Variants in RABGAP1L observed in about 807,000 individuals in gnomAD.
RABGAP1L encodes rab GTPase-activating protein 1-like.
RABGAP1L carries 63 observed loss-of-function variants against 137.7 expected under a neutral mutation model. That is an observed-to-expected ratio of 0.46 (90% CI 0.37 to 0.56). The LOEUF is 0.56. RABGAP1L is among the 20% of genes least tolerant of loss of function. The probability of loss-of-function intolerance (pLI) is 0.00; values close to 1 mark genes in which losing one functional copy is unlikely to be tolerated. For synonymous variants in RABGAP1L, 431 were observed against 433.7 expected (o/e 0.99, Z 0.08); for missense variants, 1,095 against 1,244.0 (o/e 0.88, Z 1.80).
chr1:174,602,144 G>C (rs905923058), intron 13 of RABGAP1L, among the ~76,000 whole-genome samples: 1 of 151,880 alleles, frequency 6.6e-6, no homozygotes, highest in Non-Finnish European at 1.5e-5. Flanking sequence ...TTTCGTCAAC[G>C]CCCCACTCTA....
intron 11 of RABGAP1L, among the ~76,000 whole-genome samples, chr1:174,338,564 A>G (rs1181345440): frequency 6.6e-6 from 1 of 151,084 alleles, no homozygotes; most frequent in Admixed American, 6.6e-5. Flanking sequence ...AAGTGGTACT[A>G]TTCTTGAATT....
At chr1:174,960,357 A>G (rs929004065) in intron 20 of RABGAP1L, among the ~76,000 whole-genome samples, 4 of 152,208 alleles carry the variant, frequency 2.6e-5, no homozygotes, top group African/African-American at 9.6e-5. Flanking sequence ...ACTTCTTGCT[A>G]CATCTATGTA....
intron 5 of RABGAP1L, among the ~76,000 whole-genome samples, chr1:174,247,114 A>AT (rs1672332190): frequency 6.6e-6 from 1 of 152,134 alleles, no homozygotes; most frequent in Admixed American, 6.5e-5. Context: ...GCCTTGCCAG[A>AT]TGCTTTAGAA....
intron 12 of RABGAP1L, among the ~76,000 whole-genome samples, chr1:174,377,365 T>C (rs1189067729): frequency 6.6e-6 from 1 of 152,124 alleles, no homozygotes; most frequent in Non-Finnish European, 1.5e-5. Flanking sequence ...TTAAAATTTA[T>C]ATAGGAAGCA....
chr1:174,529,818 G>A (rs1427649551), intron 13 of RABGAP1L, among the ~76,000 whole-genome samples: 1 of 152,114 alleles, frequency 6.6e-6, no homozygotes, highest in Non-Finnish European at 1.5e-5. Context: ...CAGGCAGCAT[G>A]TGCTTGTAGA....
chr1:174,450,854 A>G (rs565140509), intron 13 of RABGAP1L, among the ~76,000 whole-genome samples: 3 of 152,318 alleles, frequency 2.0e-5, no homozygotes, highest in African/African-American at 7.2e-5. Context: ...AATGCATTTA[A>G]TAAAATGTGC....
At position 174,373,319 on chromosome 1, in the gene RABGAP1L, A is replaced by T. The variant is rs1685258622; in HGVS notation, c.1559+2247A>T. On this transcript the variant is annotated intron_variant, in intron 12 of 25. Coordinates refer to ENST00000681986, the MANE Select transcript of RABGAP1L (RefSeq NM_001366446.1). ...TTTAAACAGAAGCATTTTAATGCAGATAATTGGCTTACAATGTGTTAGAAG... is the reference window on the plus strand; with the variant it reads ...TTTAAACAGAAGCATTTTAATGCAGTTAATTGGCTTACAATGTGTTAGAAG... 5.9e-5 allele frequency among the ~76,000 whole-genome samples: 9 copies of T among 152,344 alleles called. No homozygotes were observed. The South Asian group carries it at 1.7e-3, about 28-fold the overall frequency.
intron 5 of RABGAP1L, among the ~76,000 whole-genome samples, chr1:174,247,634 G>T (rs1372420777): frequency 1.3e-5 from 2 of 152,174 alleles, no homozygotes; most frequent in African/African-American, 2.4e-5. Context: ...TGGCAACATG[G>T]CTGCCCACAC....
chr1:174,629,517 A>C (rs1673164932), intron 13 of RABGAP1L, among the ~76,000 whole-genome samples: 1 of 152,028 alleles, frequency 6.6e-6, no homozygotes, highest in Non-Finnish European at 1.5e-5. Flanking sequence ...AAGTAATCCT[A>C]GGAAGGGGAA....
At chr1:174,363,665 A>G (rs1306036502) in intron 11 of RABGAP1L, among the ~76,000 whole-genome samples, 1 of 152,140 alleles carries the variant, frequency 6.6e-6, no homozygotes, top group East Asian at 1.9e-4. Context: ...CCCATTCAGT[A>G]TGATACTAGC....
intron 19 of RABGAP1L, among the ~76,000 whole-genome samples, chr1:174,842,440 A>T (rs1465889761): frequency 1.3e-5 from 2 of 152,228 alleles, no homozygotes; most frequent in Non-Finnish European, 2.9e-5. Flanking sequence ...ACAGAACCAT[A>T]GATCATATAT....
At chr1:174,353,960 A>G (rs1683403917) in intron 11 of RABGAP1L, among the ~76,000 whole-genome samples, 1 of 152,236 alleles carries the variant, frequency 6.6e-6, no homozygotes, top group African/African-American at 2.4e-5. Flanking sequence ...GGATTATACA[A>G]AAATCTGAAT....
At chr1:174,599,003 C>T (rs1328943262) in intron 13 of RABGAP1L, among the ~76,000 whole-genome samples, 1 of 146,910 alleles carries the variant, frequency 6.8e-6, no homozygotes, top group Non-Finnish European at 1.5e-5. Context: ...CCCTTTCTCT[C>T]TCCTTCCCTT....
chr1:174,731,762 T>C (rs1682496983), intron 17 of RABGAP1L, among the ~76,000 whole-genome samples: 1 of 152,254 alleles, frequency 6.6e-6, no homozygotes, highest in Non-Finnish European at 1.5e-5. Context: ...GTTTTCAGAC[T>C]GTGTCATGGT....
intron 13 of RABGAP1L, among the ~76,000 whole-genome samples, chr1:174,430,193 G>A (rs1473630572): frequency 6.6e-6 from 1 of 151,864 alleles, no homozygotes; most frequent in Admixed American, 6.6e-5. Context: ...ACCAGCCTGG[G>A]CAACATGTTG....
intron 11 of RABGAP1L, among the ~76,000 whole-genome samples, chr1:174,368,485 C>G (rs928280346): frequency 6.6e-6 from 1 of 151,988 alleles, no homozygotes; most frequent in Non-Finnish European, 1.5e-5. Flanking sequence ...TTTTTATACT[C>G]TCTGTCAATG....
At chr1:174,205,395 A>G (rs1668434779) in intron 1 of RABGAP1L, among the ~76,000 whole-genome samples, 1 of 152,040 alleles carries the variant, frequency 6.6e-6, no homozygotes, top group Admixed American at 6.6e-5. Flanking sequence ...GGTAGAATTC[A>G]GCTGTGAATC....
At chr1:174,509,826 A>C (rs907186841) in intron 13 of RABGAP1L, among the ~76,000 whole-genome samples, 1 of 152,216 alleles carries the variant, frequency 6.6e-6, no homozygotes, top group African/African-American at 2.4e-5. Context: ...ACCTCAGTTC[A>C]TGACACCATC....
At chr1:174,987,996 A>G (rs1467654374) in intron 24 of RABGAP1L, among the ~76,000 whole-genome samples, 1 of 152,052 alleles carries the variant, frequency 6.6e-6, no homozygotes, top group East Asian at 1.9e-4. Context: ...TTTTTAGTAG[A>G]GACGAGGTTT....
Sources: gnomAD v4.1 joint callset for allele counts (sites outside exome capture counted in the v4.1 genomes callset) on GRCh38, gnomAD v4.1.1 for gene constraint, MANE v1.5 for transcripts, NCBI Gene and HGNC (gene_info 2026-07-23, HGNC 2026-07-21) for gene names.